The following ASIC2 variants were observed in gnomAD, a reference collection of about 807,000 sequenced individuals.
The protein encoded by ASIC2 is acid-sensing ion channel 2.
A neutral mutation model predicts 57.3 loss-of-function variants in ASIC2; 25 were observed. The observed-to-expected ratio is 0.44, with a 90% CI of 0.32 to 0.61. The LOEUF is 0.61. Among genes scored for constraint, ASIC2 ranks in the 20% least tolerant of loss-of-function variants. The pLI is 0.06. For missense variants in ASIC2, 641 were observed against 738.1 expected (o/e 0.87, Z 1.52); for synonymous variants, 319 against 307.5 (o/e 1.04, Z -0.39).
intron 1 of ASIC2, among the ~76,000 whole-genome samples, chr17:34,026,132 G>A (rs542851829): frequency 6.6e-6 from 1 of 152,148 alleles, no homozygotes; most frequent in Non-Finnish European, 1.5e-5. Context: ...TGCAATTATT[G>A]GATTTGGAGT....
chr17:33,442,258 T>G (rs1349124130), intron 1 of ASIC2, among the ~76,000 whole-genome samples: 1 of 152,212 alleles, frequency 6.6e-6, no homozygotes, highest in Admixed American at 6.5e-5. Context: ...TTGGCTATCT[T>G]ATATCCTTTA....
chr17:33,249,159 G>A (rs1908796513), intron 1 of ASIC2, among the ~76,000 whole-genome samples: 1 of 152,146 alleles, frequency 6.6e-6, no homozygotes, highest in Non-Finnish European at 1.5e-5. Context: ...GTGAAGACTG[G>A]CCACAAGATT....
intron 1 of ASIC2, among the ~76,000 whole-genome samples, chr17:33,847,569 TC>T (rs1461503937): frequency 1.3e-5 from 2 of 152,126 alleles, no homozygotes; most frequent in Non-Finnish European, 2.9e-5. Context: ...TTTCCCACAC[TC>T]CAGACAGGAT....
chr17:33,719,461 G>A (rs1425631056), intron 1 of ASIC2, among the ~76,000 whole-genome samples: 1 of 152,226 alleles, frequency 6.6e-6, no homozygotes, highest in Admixed American at 6.5e-5. Context: ...ATTAGAAGGA[G>A]TGCACCTTCT....
Position 33,953,567 on chromosome 17 carries a change from T to TAA in ASIC2, c.555+202409_555+202410dup, listed in dbSNP as rs149814496. The stretch of plus-strand genomic sequence containing the variant: ...TTGCTTGCTCTCCTCCAGCTGTAGT[T>TAA]AAAAAAAAAATCATATAAATCAATG... On this transcript the variant is annotated intron_variant, in intron 1 of 9. Transcript: ENST00000359872. 3.9e-3 allele frequency among the ~76,000 whole-genome samples: 588 copies of TAA among 150,640 alleles called. 6 individuals are homozygous for TAA. The highest frequency in any genetic ancestry group is 0.021 in the Middle Eastern group (6 of 292).
chr17:33,025,058 A>T (rs1266952638), intron 5 of ASIC2, among the ~76,000 whole-genome samples: 2 of 152,012 alleles, frequency 1.3e-5, no homozygotes, highest in East Asian at 3.9e-4. Flanking sequence ...TGCACACATC[A>T]GAAGTCACTC....
chr17:33,702,308 A>AG (rs139048603), intron 1 of ASIC2, among the ~76,000 whole-genome samples: 3,215 of 152,160 alleles, frequency 0.021, 95 homozygotes, highest in African/African-American at 0.074. Context: ...CTGGGGTTAG[A>AG]GGGGGGGTAT....
intron 1 of ASIC2, among the ~76,000 whole-genome samples, chr17:33,774,259 G>A (rs1911200324): frequency 1.3e-5 from 2 of 152,136 alleles, no homozygotes; most frequent in South Asian, 2.1e-4. Context: ...ATGGGTCAAG[G>A]AAATTTGGGT....
chr17:33,154,323 T>C (rs1374736523), intron 1 of ASIC2, among the ~76,000 whole-genome samples: 1 of 152,212 alleles, frequency 6.6e-6, no homozygotes, highest in African/African-American at 2.4e-5. Context: ...GCTGGAACTA[T>C]AGACATGTGC....
intron 1 of ASIC2, among the ~76,000 whole-genome samples, chr17:33,522,568 T>A (rs1461727461): frequency 6.6e-6 from 1 of 152,186 alleles, no homozygotes; most frequent in African/African-American, 2.4e-5. Context: ...GAACAGTAAT[T>A]CCCGTCTCCC....
chr17:33,331,900 T>G (rs949456669), intron 1 of ASIC2, among the ~76,000 whole-genome samples: 2 of 152,228 alleles, frequency 1.3e-5, no homozygotes, highest in African/African-American at 4.8e-5. Flanking sequence ...CAAAACTTTC[T>G]TAACATTGAC....
chr17:33,089,053 G>A, intron 2 of ASIC2, 63 bp from the exon 3 acceptor site: 1 of 1,600,048 alleles, frequency 6.2e-7, no homozygotes, highest in Non-Finnish European at 8.5e-7. Context: ...GGAGTCCTGG[G>A]ATTGAAAAGC....
chr17:33,261,727 A>G (rs1436978780), intron 1 of ASIC2, among the ~76,000 whole-genome samples: 1 of 152,216 alleles, frequency 6.6e-6, no homozygotes, highest in African/African-American at 2.4e-5. Flanking sequence ...TGAGGCACAG[A>G]TAAGTGACTT....
intron 1 of ASIC2, chr17:33,533,551 T>TAAAAGGCCTTGTCTGAGA (rs1332275041): frequency 6.6e-6 from 1 of 152,176 alleles, no homozygotes; most frequent in Non-Finnish European, 1.5e-5. Context: ...AAGATTCAAA[T>TAAAAGGCCTTGTCTGAGA]AAAAGGCCTT....
chr17:34,037,533 A>G, intron 1 of ASIC2: 2 of 1,308,908 alleles, frequency 1.5e-6, no homozygotes, highest in Non-Finnish European at 2.1e-6. Context: ...CATCAGATCC[A>G]TTCGGATTCG....
chr17:33,599,034 C>T (rs1337330470), intron 1 of ASIC2, among the ~76,000 whole-genome samples: 1 of 152,210 alleles, frequency 6.6e-6, no homozygotes, highest in Non-Finnish European at 1.5e-5. Context: ...CACATATGCC[C>T]ATCTTCTCCA....
intron 1 of ASIC2, among the ~76,000 whole-genome samples, chr17:33,398,616 GTGA>G (rs1825161477): frequency 6.6e-6 from 1 of 152,032 alleles, no homozygotes; most frequent in Non-Finnish European, 1.5e-5. Flanking sequence ...GGTGATTATG[GTGA>G]TGATGGTGTT....
chr17:33,738,158 T>C (rs1909982738), intron 1 of ASIC2, among the ~76,000 whole-genome samples: 3 of 152,148 alleles, frequency 2.0e-5, no homozygotes, highest in Admixed American at 2.0e-4. Flanking sequence ...ACTGGCATCA[T>C]GAGGACCTCA....
intron 1 of ASIC2, among the ~76,000 whole-genome samples, chr17:33,836,069 T>TACACACAC (rs149810649): frequency 4.8e-5 from 7 of 146,450 alleles, no homozygotes; most frequent in Non-Finnish European, 1.0e-4. Flanking sequence ...ATTATATATA[T>TACACACAC]ACACACACAC....
Sources: allele counts gnomAD v4.1 joint callset (sites outside exome capture counted in the v4.1 genomes callset), GRCh38; gene constraint gnomAD v4.1.1; transcripts MANE v1.5; gene names NCBI Gene and HGNC (gene_info 2026-07-23, HGNC 2026-07-21).